KHDRBS2: variants seen among roughly 807,000 people sequenced by gnomAD.
KHDRBS2 encodes the protein KH domain-containing, RNA-binding, signal transduction-associated protein 2.
In KHDRBS2, 26 loss-of-function variants were observed where a neutral mutation model predicts 44.3. The ratio of observed to expected loss-of-function variants is 0.59; its 90% CI spans 0.43 to 0.81. The LOEUF (loss-of-function observed/expected upper bound fraction) is 0.81, where lower values mean the gene tolerates loss of function less well. Among genes scored for constraint, KHDRBS2 ranks in the 40% least tolerant of loss-of-function variants. The pLI is 0.00. For synonymous variants in KHDRBS2, 194 were observed against 151.1 expected, an observed-to-expected ratio of 1.28 and a Z score of -2.08; for missense variants, 476 against 433.1, an observed-to-expected ratio of 1.10 and a Z score of -0.88.
the KHDRBS2 span, among the ~76,000 whole-genome samples, chr6:61,564,870 T>A: frequency 6.6e-6 from 1 of 152,068 alleles, no homozygotes; most frequent in Non-Finnish European, 1.5e-5. Context: ...GATGGAAATA[T>A]CATATTACCT....
At position 62,285,602 on chromosome 6, in the gene KHDRBS2, T is replaced by C. The variant is rs550790026; in HGVS notation, c.91+256A>G. On this transcript the variant is annotated intron_variant, in intron 1 of 8. Transcript: ENST00000281156. ...CACTTTATGGTTTCTCTATCAATGA[T>C]CCTAACAGGTCACATCGCCACTGCC... 9.2e-5 allele frequency among the ~76,000 whole-genome samples: 14 copies of C among 152,300 alleles called. No individual in the cohort carries two copies. In the South Asian group the frequency reaches 2.9e-3, roughly 32 times the overall value.
intron 4 of KHDRBS2, among the ~76,000 whole-genome samples, chr6:61,927,636 A>G (rs548679461): frequency 6.6e-6 from 1 of 152,272 alleles, no homozygotes; most frequent in African/African-American, 2.4e-5. Flanking sequence ...TCCCCAATCT[A>G]TTGCTTGAAC....
chr6:61,804,952 T>C lies in KHDRBS2; in HGVS notation c.811-72188A>G. On this transcript the variant is annotated intron_variant, in intron 6 of 8. Coordinates refer to ENST00000281156, the MANE Select transcript of KHDRBS2 (RefSeq NM_152688.4). ...GATTAACATTTGGCTCCTCATCCCA[T>C]ATACAAATTTCTGAAGCTGCCTTAA... Among the ~76,000 whole-genome samples, 2 of 152,210 alleles carry C rather than the reference T, an allele frequency of 1.3e-5. 1 individual carries two copies. Among genetic ancestry groups the C allele is most frequent in the Non-Finnish European group, 2.9e-5 (2 of 68,028 alleles).
chr6:61,668,023 A>G, the KHDRBS2 span, among the ~76,000 whole-genome samples: 1 of 151,126 alleles, frequency 6.6e-6, no homozygotes, highest in Non-Finnish European at 1.5e-5. Flanking sequence ...TATGCTAGGT[A>G]TTTCCTATTA....
At chr6:61,894,195 G>T (rs1802504347) in intron 6 of KHDRBS2, among the ~76,000 whole-genome samples, 1 of 152,148 alleles carries the variant, frequency 6.6e-6, no homozygotes, top group South Asian at 2.1e-4. Context: ...GAAAGAAAGA[G>T]TCAGGATATA....
At chr6:61,545,718 A>G in the KHDRBS2 span, among the ~76,000 whole-genome samples, 2 of 152,008 alleles carry the variant, frequency 1.3e-5, no homozygotes, top group African/African-American at 2.4e-5. Context: ...TACTATGTTG[A>G]AGCTCTATTT....
chr6:61,824,380 C>G (rs555053078), intron 6 of KHDRBS2, among the ~76,000 whole-genome samples: 3 of 152,240 alleles, frequency 2.0e-5, no homozygotes, highest in African/African-American at 7.2e-5. Flanking sequence ...TGCTCTCTCT[C>G]TCTCTCCTGC....
At chr6:61,968,182 A>G (rs550013911) in intron 4 of KHDRBS2, among the ~76,000 whole-genome samples, 7 of 151,980 alleles carry the variant, frequency 4.6e-5, no homozygotes, top group African/African-American at 1.2e-4. Context: ...TTGCTGCTGA[A>G]GTCTAGTTTC....
intron 6 of KHDRBS2, among the ~76,000 whole-genome samples, chr6:61,811,493 T>C (rs1043525180): frequency 2.0e-5 from 3 of 152,152 alleles, no homozygotes; most frequent in African/African-American, 4.8e-5. Context: ...GGCCCAATGG[T>C]ACTTCTATTT....
At chr6:62,204,643 C>A (rs1242133671) in intron 1 of KHDRBS2, among the ~76,000 whole-genome samples, 4 of 152,030 alleles carry the variant, frequency 2.6e-5, no homozygotes, top group African/African-American at 4.8e-5. Flanking sequence ...TGCTAGATAT[C>A]CTCTCATGTT....
the KHDRBS2 span, among the ~76,000 whole-genome samples, chr6:61,624,578 C>G: frequency 6.6e-6 from 1 of 152,144 alleles, no homozygotes; most frequent in Non-Finnish European, 1.5e-5. Context: ...TAACATCCAA[C>G]AAGAGGAACT....
intron 4 of KHDRBS2, among the ~76,000 whole-genome samples, chr6:61,924,294 G>C (rs1447955541): frequency 1.3e-5 from 2 of 152,006 alleles, no homozygotes; most frequent in Non-Finnish European, 2.9e-5. Context: ...AACAGTAAGT[G>C]GGCCATGGTA....
chr6:62,233,999 C>T (rs1833300509), intron 1 of KHDRBS2, among the ~76,000 whole-genome samples: 1 of 151,692 alleles, frequency 6.6e-6, no homozygotes, highest in African/African-American at 2.4e-5. Flanking sequence ...TGAGTGTATA[C>T]CCAGTAATGG....
the KHDRBS2 span, among the ~76,000 whole-genome samples, chr6:61,558,866 T>G: frequency 6.6e-6 from 1 of 152,202 alleles, no homozygotes. Flanking sequence ...ATGAGTCATA[T>G]GCTGAGGAAA....
intron 4 of KHDRBS2, among the ~76,000 whole-genome samples, chr6:61,910,779 G>C (rs1166283638): frequency 6.6e-6 from 1 of 152,126 alleles, no homozygotes; most frequent in Non-Finnish European, 1.5e-5. Flanking sequence ...CAGGATAGTA[G>C]ATAAATGTTT....
chr6:61,987,465 G>C (rs774255933), intron 3 of KHDRBS2, among the ~76,000 whole-genome samples: 3 of 152,102 alleles, frequency 2.0e-5, no homozygotes, highest in Non-Finnish European at 4.4e-5. Context: ...TTACCTCAGA[G>C]TTATAATTTA....
At chr6:61,930,433 C>T (rs536689144) in intron 4 of KHDRBS2, among the ~76,000 whole-genome samples, 1 of 145,380 alleles carries the variant, frequency 6.9e-6, no homozygotes, top group African/African-American at 2.6e-5. Flanking sequence ...ATATGAAATG[C>T]TCAAGGGGAA....
intron 1 of KHDRBS2, among the ~76,000 whole-genome samples, chr6:62,267,194 G>C (rs1423245458): frequency 6.6e-6 from 1 of 151,924 alleles, no homozygotes; most frequent in Non-Finnish European, 1.5e-5. Context: ...CAAAAATTCC[G>C]GGGTTTCTCA....
intron 8 of KHDRBS2, among the ~76,000 whole-genome samples, chr6:61,681,637 CAA>C (rs1766320607): frequency 1.0e-5 from 1 of 98,468 alleles, no homozygotes; most frequent in African/African-American, 4.2e-5. Flanking sequence ...AATCAGTAAA[CAA>C]AACAAAACAC....
Sources: allele counts gnomAD v4.1 joint callset (sites outside exome capture counted in the v4.1 genomes callset), GRCh38; gene constraint gnomAD v4.1.1; transcripts MANE v1.5; gene names NCBI Gene and HGNC (gene_info 2026-07-23, HGNC 2026-07-21).